The following MGAT4C variants were observed in gnomAD, a reference collection of about 807,000 sequenced individuals.
MGAT4C encodes MGAT4 family member C, also known as alpha-1,3-mannosyl-glycoprotein 4-beta-N-acetylglucosaminyltransferase C.
Under a neutral mutation model 40.1 loss-of-function variants are expected in MGAT4C, and 19 were observed. The ratio of observed to expected loss-of-function variants is 0.47; its 90% CI spans 0.33 to 0.70. MGAT4C has a LOEUF of 0.70. MGAT4C is among the 30% of genes least tolerant of loss of function. The probability of loss-of-function intolerance (pLI) is 0.02; values close to 1 mark genes in which losing one functional copy is unlikely to be tolerated. For synonymous variants in MGAT4C, 181 were observed against 187.1 expected (o/e 0.97, Z 0.27); for missense variants, 491 against 563.2 (o/e 0.87, Z 1.30).
Position 86,539,738 on chromosome 12 carries a change from T to C in MGAT4C, c.-228-104473A>G, listed in dbSNP as rs1030842911. On this transcript the variant is annotated intron_variant, in intron 2 of 7. Coordinates refer to the MGAT4C transcript ENST00000548651. ...CTAACTGGTGTGAGATGGTATCTCA[T>C]TGTGGTTTTGATTTGCATTTCTCTG... 2.6e-4 allele frequency among the ~76,000 whole-genome samples: 39 copies of C among 152,216 alleles called. 1 individual carries two copies. The highest frequency in any genetic ancestry group is 8.9e-4 in the African/African-American group (37 of 41,452).
chr12:86,035,700 ATTGTT>A (rs1891166130), intron 2 of MGAT4C, among the ~76,000 whole-genome samples: 2 of 149,542 alleles, frequency 1.3e-5, no homozygotes, highest in South Asian at 4.2e-4. Context: ...TAGGGTTTTT[ATTGTT>A]TTAAGTCTTA....
intron 2 of MGAT4C, among the ~76,000 whole-genome samples, chr12:86,659,678 G>A (rs895617701): frequency 2.6e-5 from 4 of 152,008 alleles, no homozygotes; most frequent in African/African-American, 9.7e-5. Context: ...TCAGAAAAGA[G>A]ACTTAGCTCC....
chr12:86,461,435 C>T (rs182880962), intron 2 of MGAT4C, among the ~76,000 whole-genome samples: 67 of 151,948 alleles, frequency 4.4e-4, no homozygotes, highest in African/African-American at 1.5e-3. Flanking sequence ...TTAGTAGAGA[C>T]GGGGTTTCAC....
upstream of MGAT4C, among the ~76,000 whole-genome samples, chr12:86,259,185 T>C (rs1000707717): frequency 2.0e-5 from 3 of 152,020 alleles, no homozygotes; most frequent in African/African-American, 7.2e-5. Context: ...AAAATTTTTT[T>C]GTGATTTTTT....
chr12:86,040,858 G>A (rs545020985), intron 2 of MGAT4C, among the ~76,000 whole-genome samples: 12 of 152,288 alleles, frequency 7.9e-5, no homozygotes, highest in African/African-American at 2.4e-4. Flanking sequence ...TGTGTGTTGC[G>A]AAAACCATGG....
chr12:86,093,521 G>A (rs1376836589), intron 1 of MGAT4C, among the ~76,000 whole-genome samples: 1 of 152,054 alleles, frequency 6.6e-6, no homozygotes, highest in Non-Finnish European at 1.5e-5. Context: ...CTGAGCTCAG[G>A]AGTTAGAGAT....
intron 2 of MGAT4C, among the ~76,000 whole-genome samples, chr12:86,571,195 T>G (rs2136421939): frequency 6.6e-6 from 1 of 152,250 alleles, no homozygotes; most frequent in Non-Finnish European, 1.5e-5. Context: ...TGCTCATTAT[T>G]TTTTAATACA....
intron 2 of MGAT4C, among the ~76,000 whole-genome samples, chr12:86,488,414 G>A (rs1288293451): frequency 1.1e-4 from 17 of 149,798 alleles, no homozygotes; most frequent in Admixed American, 8.0e-4. Context: ...GTGACAGGGT[G>A]AGACCCTGTC....
rs1332453704 is a variant in MGAT4C, at chr12:85,969,947, C to T, written c.*9342G>A. The T allele has an allele frequency of 6.6e-6, 1 of 151,344 alleles. No individual in the cohort carries two copies. The highest frequency in any genetic ancestry group is 1.5e-5 in the Non-Finnish European group (1 of 67,488). 9.4% of individuals were successfully genotyped at this position (151,344 alleles called of 1,614,324 possible). A position where few individuals can be genotyped will look rare whatever the true frequency, so the allele number is the denominator to read the frequency against. On this transcript the variant is annotated 3_prime_UTR_variant, in exon 5 of 5. Coordinates refer to ENST00000611864, the MANE Select transcript of MGAT4C (RefSeq NM_001351288.2). ...CACAGTGTCTCATAGTTGCTTGGAACATATTTATGTAGTAAGCATTGTTCT... is the reference window on the plus strand; with the variant it reads ...CACAGTGTCTCATAGTTGCTTGGAATATATTTATGTAGTAAGCATTGTTCT...
At chr12:86,747,087 A>G (rs139676451) in intron 1 of MGAT4C, among the ~76,000 whole-genome samples, 62 of 151,718 alleles carry the variant, frequency 4.1e-4, no homozygotes, top group African/African-American at 1.3e-3. Flanking sequence ...CTGTACTTCA[A>G]TACTATTTGT....
intron 1 of MGAT4C, among the ~76,000 whole-genome samples, chr12:86,123,182 A>G (rs1244050824): frequency 6.6e-6 from 1 of 152,180 alleles, no homozygotes; most frequent in African/African-American, 2.4e-5. Context: ...TCCTTTAGCC[A>G]GCTCATAAAA....
At chr12:86,219,062 C>T (rs1950778599) in intron 1 of MGAT4C, among the ~76,000 whole-genome samples, 1 of 152,016 alleles carries the variant, frequency 6.6e-6, no homozygotes, top group Admixed American at 6.6e-5. Context: ...CACCTGTAGT[C>T]CCAGCTACTC....
At chr12:86,186,296 A>C (rs1354874046) in intron 1 of MGAT4C, among the ~76,000 whole-genome samples, 1 of 152,134 alleles carries the variant, frequency 6.6e-6, no homozygotes, top group African/African-American at 2.4e-5. Context: ...AGCTAGCACC[A>C]ATCCCAAAGT....
In MGAT4C at chr12:86,695,787, G is replaced by A. The variant is rs536930868; in HGVS notation, c.-229+31422C>T. Reference sequence around the variant, plus strand: ...ACCAGAGGCTAGGAAGGGTAGTTAGGGGGTGGGAGAGTGAAGGTGGGTATA... The same window carrying A: ...ACCAGAGGCTAGGAAGGGTAGTTAGAGGGTGGGAGAGTGAAGGTGGGTATA... On this transcript the variant is annotated intron_variant, in intron 2 of 7. Transcript: ENST00000548651. 1.1e-4 allele frequency among the ~76,000 whole-genome samples: 17 copies of A among 152,110 alleles called. No individual in the cohort carries two copies. In the South Asian group the frequency reaches 2.5e-3, roughly 22 times the overall value.
At chr12:86,802,037 T>G (rs966862528) in intron 1 of MGAT4C, among the ~76,000 whole-genome samples, 1 of 151,934 alleles carries the variant, frequency 6.6e-6, no homozygotes, top group Non-Finnish European at 1.5e-5. Flanking sequence ...TATTAGGAAC[T>G]TGTCATGGTG....
chr12:86,519,925 G>T (rs1053698002), intron 2 of MGAT4C, among the ~76,000 whole-genome samples: 5 of 151,824 alleles, frequency 3.3e-5, no homozygotes, highest in African/African-American at 1.2e-4. Flanking sequence ...GTCTAATTTT[G>T]CTTTTGTTGC....
chr12:86,082,072 T>A (rs924218786), intron 1 of MGAT4C, among the ~76,000 whole-genome samples: 10 of 152,290 alleles, frequency 6.6e-5, no homozygotes, highest in Middle Eastern at 3.4e-3. Context: ...AGGGAAAGTA[T>A]TTCTGTTGGA....
chr12:86,260,354 T>C (rs1292225466), upstream of MGAT4C, among the ~76,000 whole-genome samples: 1 of 152,168 alleles, frequency 6.6e-6, no homozygotes, highest in African/African-American at 2.4e-5. Context: ...CGTTTCTCAA[T>C]GTACCCTGTT....
intron 1 of MGAT4C, among the ~76,000 whole-genome samples, chr12:86,153,136 A>T (rs1566059692): frequency 6.6e-6 from 1 of 152,150 alleles, no homozygotes; most frequent in Non-Finnish European, 1.5e-5. Flanking sequence ...AGCCTCTCTC[A>T]CACTAAAAAC....
Sources: gnomAD v4.1 joint callset for allele counts (sites outside exome capture counted in the v4.1 genomes callset) on GRCh38, gnomAD v4.1.1 for gene constraint, MANE v1.5 for transcripts, NCBI Gene and HGNC (gene_info 2026-07-23, HGNC 2026-07-21) for gene names.